SUB1: variants seen among roughly 807,000 people sequenced by gnomAD.
The protein encoded by SUB1 is activated RNA polymerase II transcriptional coactivator p15.
Under a neutral mutation model 16.9 loss-of-function variants are expected in SUB1, and 1 was observed. The ratio of observed to expected loss-of-function variants is 0.06; its 90% CI spans 0.02 to 0.28. SUB1 has a LOEUF of 0.28. Among genes scored for constraint, SUB1 ranks in the 10% least tolerant of loss-of-function variants. The pLI is 1.00. For synonymous variants in SUB1, 51 were observed against 46.9 expected (o/e 1.09, Z -0.36); for missense variants, 84 against 145.2 (o/e 0.58, Z 2.16).
intron 3 of SUB1, among the ~76,000 whole-genome samples, chr5:32,593,842 C>T (rs1340467928): frequency 6.6e-6 from 1 of 152,114 alleles, no homozygotes; most frequent in Non-Finnish European, 1.5e-5. Flanking sequence ...TACAGGCATG[C>T]GCCACCACCC....
chr5:32,595,306 C>T (rs1248249241), intron 3 of SUB1: 3 of 152,160 alleles, frequency 2.0e-5, no homozygotes, highest in African/African-American at 4.8e-5. Context: ...AGACCATTTT[C>T]ATCACCCCAG....
intron 3 of SUB1, 91 bp from the exon 4 acceptor site, chr5:32,598,870 T>G: frequency 1.1e-6 from 1 of 950,542 alleles, no homozygotes; most frequent in Non-Finnish European, 1.7e-6. Flanking sequence ...AGATGTAGAG[T>G]GAGCATGCAG....
chr5:32,598,582 TTC>T (rs1290464150), intron 3 of SUB1: 5 of 160,874 alleles, frequency 3.1e-5, no homozygotes, highest in Non-Finnish European at 6.8e-5. Context: ...TTGTTTACAT[TTC>T]TCTCTAACTT....
At chr5:32,590,192 C>T (rs1738782523) in intron 2 of SUB1, among the ~76,000 whole-genome samples, 1 of 152,092 alleles carries the variant, frequency 6.6e-6, no homozygotes, top group Admixed American at 6.5e-5. Flanking sequence ...TAATATTACT[C>T]TTGTAAACAC....
chr5:32,595,591 T>C (rs954962827), intron 3 of SUB1: 1 of 152,270 alleles, frequency 6.6e-6, no homozygotes, highest in Admixed American at 6.5e-5. Context: ...TATCAAGTCT[T>C]GGGCTATTAG....
At chr5:32,594,161 T>C (rs949199835) in intron 3 of SUB1, among the ~76,000 whole-genome samples, 17 of 152,216 alleles carry the variant, frequency 1.1e-4, no homozygotes, top group Admixed American at 4.6e-4. Flanking sequence ...AATAGACTTA[T>C]CTTTTAAAGT....
Position 32,595,334 on chromosome 5 carries a change from T to C in SUB1, c.196-3627T>C, listed in dbSNP as rs947955841. On this transcript the variant is annotated intron_variant, in intron 3 of 4. Coordinates refer to ENST00000265073, the MANE Select transcript of SUB1 (RefSeq NM_006713.4). ...CACCCCAGGAAGTTCCTCTTGGCTT[T>C]ACAGTCATTGCTCATGTCCTAGGTA... 10 of 152,262 alleles carry C rather than the reference T, an allele frequency of 6.6e-5. 1 individual carries two copies. The highest frequency in any genetic ancestry group is 2.2e-4 in the African/African-American group (9 of 41,460). 9.4% of individuals were successfully genotyped at this position (152,262 alleles called of 1,614,324 possible).
intron 2 of SUB1, among the ~76,000 whole-genome samples, chr5:32,589,095 T>A (rs528405840): frequency 6.7e-6 from 1 of 148,634 alleles, no homozygotes; most frequent in East Asian, 2.0e-4. Context: ...AAAATGTTAA[T>A]TTTTTTTTTT....
At chr5:32,600,560 G>A (rs1739089433) in intron 4 of SUB1, among the ~76,000 whole-genome samples, 1 of 151,932 alleles carries the variant, frequency 6.6e-6, no homozygotes, top group Admixed American at 6.6e-5. Context: ...ATTAACAAAT[G>A]TAAGAGATAT....
Position 32,602,087 on chromosome 5 carries a change from G to T in SUB1, c.*1003G>T. Reference sequence around the variant, plus strand: ...AAAGAGCATATGAGCACATGCTTGTGTATTTTGGCCTTTGCCCCAGTAGAA... The same window carrying T: ...AAAGAGCATATGAGCACATGCTTGTTTATTTTGGCCTTTGCCCCAGTAGAA... On this transcript the variant is annotated 3_prime_UTR_variant, in exon 5 of 5. Coordinates refer to ENST00000265073, the MANE Select transcript of SUB1 (RefSeq NM_006713.4). 2.9e-6 allele frequency: 1 copy of T among 350,112 alleles called. No individual in the cohort carries two copies. Among genetic ancestry groups the T allele is most frequent in the Non-Finnish European group, 5.7e-6 (1 of 176,816 alleles). The allele number at this position is 350,112 out of a possible 1,614,324, so 21.7% of individuals were successfully genotyped here.
intron 2 of SUB1, among the ~76,000 whole-genome samples, chr5:32,588,971 A>G (rs1425000855): frequency 1.3e-5 from 2 of 152,198 alleles, no homozygotes; most frequent in Non-Finnish European, 2.9e-5. Context: ...GTTGAGCATC[A>G]TTAGGAACCC....
chr5:32,591,517 A>G (rs199718996), intron 2 of SUB1, 46 bp from the exon 3 acceptor site: 2 of 1,550,246 alleles, frequency 1.3e-6, no homozygotes, highest in Non-Finnish European at 1.7e-6. Flanking sequence ...ACACTGGGGT[A>G]TGTTTTATTT....
intron 1 of SUB1, among the ~76,000 whole-genome samples, chr5:32,587,244 G>C (rs1738696934): frequency 6.6e-6 from 1 of 152,178 alleles, no homozygotes; most frequent in Non-Finnish European, 1.5e-5. Flanking sequence ...AATCTCTTCT[G>C]AGATGGGGAG....
chr5:32,603,921 G>A lies in SUB1; in HGVS notation c.*2837G>A, dbSNP rs1353554820. The A allele has an allele frequency of 6.6e-6, 1 of 151,258 alleles. No individual in the cohort carries two copies. Among genetic ancestry groups the A allele is most frequent in the Non-Finnish European group, 1.5e-5 (1 of 67,902 alleles). The allele number at this position is 151,258 out of a possible 1,614,324, so 9.4% of individuals were successfully genotyped here. A position where few individuals can be genotyped will look rare whatever the true frequency, so the allele number is the denominator to read the frequency against. On this transcript the variant is annotated 3_prime_UTR_variant, in exon 5 of 5. Coordinates refer to ENST00000265073, the MANE Select transcript of SUB1 (RefSeq NM_006713.4). ...TTTTTTTTTTAAAAGTGTTTTTCCA[G>A]ATAAACTGTAGGGTGAACATTCACA...
Position 32,591,650 on chromosome 5 carries a change from C to G in SUB1, c.160C>G (p.Gln54Glu). The change falls in exon 3 of 5, where the codon CAG becomes GAG. Residue 54 changes from glutamine (Q) to glutamate (E), a missense_variant. By Grantham distance (29) the Gln-to-Glu change is conservative (BLOSUM62 2). Transcript: ENST00000265073. ...TTCGAGAGCCCTGTCATCTTCTAAA[C>G]AGAGCAGCAGCAGCAGAGATGATAA... ...ETSRALSSSK[Q>E]SSSSRDDNMF... 1 of 1,601,176 alleles carries G rather than the reference C, an allele frequency of 6.2e-7. No individual in the cohort carries two copies. Among genetic ancestry groups the G allele is most frequent in the Non-Finnish European group, 8.5e-7 (1 of 1,175,524 alleles).
intron 4 of SUB1, 75 bp from the exon 5 acceptor site, chr5:32,600,930 T>C (rs1201773330): frequency 1.1e-5 from 15 of 1,374,580 alleles, no homozygotes; most frequent in Non-Finnish European, 1.5e-5. Flanking sequence ...GATAAAACAG[T>C]ATTCTAGTTG....
At chr5:32,588,303 C>T (rs909273455) in intron 1 of SUB1, among the ~76,000 whole-genome samples, 1 of 152,162 alleles carries the variant, frequency 6.6e-6, no homozygotes, top group African/African-American at 2.4e-5. Context: ...ATTGTTCTTA[C>T]TGGGTTCAGC....
chr5:32,598,486 A>G (rs1020182781), intron 3 of SUB1: 33 of 145,564 alleles, frequency 2.3e-4, no homozygotes, highest in African/African-American at 9.6e-4. Context: ...ATTTGAGTAC[A>G]CTGAGATAAC....
intron 2 of SUB1, among the ~76,000 whole-genome samples, chr5:32,590,535 G>C (rs189358291): frequency 6.6e-6 from 1 of 151,436 alleles, no homozygotes; most frequent in Non-Finnish European, 1.5e-5. Flanking sequence ...TGAGTTGCTG[G>C]CTGTCAGTGC....
Sources: allele counts gnomAD v4.1 joint callset (sites outside exome capture counted in the v4.1 genomes callset), GRCh38; gene constraint gnomAD v4.1.1; transcripts MANE v1.5; gene names NCBI Gene and HGNC (gene_info 2026-07-23, HGNC 2026-07-21).